RALYL: variants seen among roughly 807,000 people sequenced by gnomAD.
The protein encoded by RALYL is RNA-binding Raly-like protein.
In RALYL, 29 loss-of-function variants were observed where a neutral mutation model predicts 35.1. The observed-to-expected ratio is 0.83, with a 90% CI of 0.61 to 1.13. The LOEUF (loss-of-function observed/expected upper bound fraction) is 1.13, where lower values mean the gene tolerates loss of function less well. Ranked by LOEUF, RALYL falls within the 50% of genes most tolerant of loss-of-function variation. The pLI, the probability that RALYL is intolerant of heterozygous loss-of-function variation, is 0.00. For missense variants in RALYL, 359 were observed against 360.4 expected (o/e 1.00, Z 0.03); for synonymous variants, 120 against 127.6 (o/e 0.94, Z 0.40).
chr8:84,211,265 T>C (rs1412963123), intron 1 of RALYL, among the ~76,000 whole-genome samples: 3 of 152,118 alleles, frequency 2.0e-5, no homozygotes, highest in African/African-American at 7.2e-5. Context: ...ACCACAAGAT[T>C]GCTGTTACTT....
At chr8:84,501,864 CATATT>C (rs2056701987) in intron 1 of RALYL, among the ~76,000 whole-genome samples, 1 of 150,220 alleles carries the variant, frequency 6.7e-6, no homozygotes, top group Non-Finnish European at 1.5e-5. Context: ...TATATAATAT[CATATT>C]ATGTTATTCA....
chr8:84,663,003 G>C (rs1831220341), intron 2 of RALYL, among the ~76,000 whole-genome samples: 1 of 151,824 alleles, frequency 6.6e-6, no homozygotes, highest in African/African-American at 2.4e-5. Flanking sequence ...CCCTCAACAG[G>C]CTCAAGTGTG....
At chr8:84,227,221 G>A (rs1824140267) in intron 1 of RALYL, among the ~76,000 whole-genome samples, 1 of 151,648 alleles carries the variant, frequency 6.6e-6, no homozygotes, top group East Asian at 1.9e-4. Context: ...CACCACACCT[G>A]GGTAATTTTT....
chr8:84,671,207 G>A (rs941970634), intron 2 of RALYL, among the ~76,000 whole-genome samples: 1 of 152,122 alleles, frequency 6.6e-6, no homozygotes, highest in Non-Finnish European at 1.5e-5. Flanking sequence ...GATGCAAGAG[G>A]TGGGCTCCCA....
chr8:84,498,958 A>G (rs1264616465), intron 1 of RALYL, among the ~76,000 whole-genome samples: 1 of 152,162 alleles, frequency 6.6e-6, no homozygotes, highest in Non-Finnish European at 1.5e-5. Flanking sequence ...GAAATAAAGG[A>G]AAAAGTGATT....
At chr8:84,833,289 A>G (rs140365793) in intron 4 of RALYL, among the ~76,000 whole-genome samples, 4 of 152,318 alleles carry the variant, frequency 2.6e-5, no homozygotes, top group South Asian at 2.1e-4. Flanking sequence ...TGAAAGTCCA[A>G]TGGAATTATT....
At chr8:84,730,704 C>T (rs1471730969) in intron 2 of RALYL, among the ~76,000 whole-genome samples, 1 of 152,030 alleles carries the variant, frequency 6.6e-6, no homozygotes, top group Non-Finnish European at 1.5e-5. Context: ...ATCTGTACAA[C>T]GTTCTGAGCA....
chr8:84,677,336 T>G (rs559125559), intron 2 of RALYL, among the ~76,000 whole-genome samples: 73 of 152,340 alleles, frequency 4.8e-4, no homozygotes, highest in Middle Eastern at 3.4e-3. Flanking sequence ...GGTTCAGATA[T>G]TTTCATATAG....
intron 2 of RALYL, among the ~76,000 whole-genome samples, chr8:84,617,078 C>A (rs1328427734): frequency 6.6e-6 from 1 of 150,432 alleles, no homozygotes; most frequent in Admixed American, 6.6e-5. Context: ...GATGCAGGCT[C>A]TTTTTTGGTT....
chr8:84,362,557 G>C (rs1853261841), intron 1 of RALYL, among the ~76,000 whole-genome samples: 1 of 152,148 alleles, frequency 6.6e-6, no homozygotes, highest in Non-Finnish European at 1.5e-5. Context: ...TCTCACAGAA[G>C]CGTGAACCCT....
At chr8:84,231,087 C>A (rs1242506016) in intron 1 of RALYL, among the ~76,000 whole-genome samples, 1 of 152,240 alleles carries the variant, frequency 6.6e-6, no homozygotes, top group Non-Finnish European at 1.5e-5. Flanking sequence ...GCAATGGAAT[C>A]TTACAGTTGC....
chr8:84,809,930 C>T (rs113677117), intron 4 of RALYL, among the ~76,000 whole-genome samples: 25 of 152,052 alleles, frequency 1.6e-4, no homozygotes, highest in African/African-American at 5.3e-4. Flanking sequence ...TTCAAAGAAC[C>T]AGCTTTTTGT....
intron 2 of RALYL, among the ~76,000 whole-genome samples, chr8:84,556,864 CA>C (rs1422895066): frequency 2.6e-5 from 4 of 152,058 alleles, no homozygotes; most frequent in Non-Finnish European, 5.9e-5. Flanking sequence ...CCACACCGAC[CA>C]AAGCCTGAAA....
At chr8:84,737,519 G>T (rs1847532709) in intron 2 of RALYL, among the ~76,000 whole-genome samples, 1 of 151,856 alleles carries the variant, frequency 6.6e-6, no homozygotes, top group Non-Finnish European at 1.5e-5. Context: ...TATATATTAA[G>T]TAAAGGACAT....
chr8:84,858,592 A>C (rs1379386976), intron 5 of RALYL, among the ~76,000 whole-genome samples: 1 of 152,216 alleles, frequency 6.6e-6, no homozygotes, highest in Non-Finnish European at 1.5e-5. Flanking sequence ...TTCTGCTGTC[A>C]GTCTACAATC....
At chr8:84,727,466 T>A (rs539535123) in intron 2 of RALYL, among the ~76,000 whole-genome samples, 18 of 152,198 alleles carry the variant, frequency 1.2e-4, no homozygotes, top group Admixed American at 3.9e-4. Context: ...TCATTTTTTT[T>A]ATTTTATTTT....
At chr8:84,268,328 CT>C (rs2131900319) in intron 1 of RALYL, among the ~76,000 whole-genome samples, 1 of 152,244 alleles carries the variant, frequency 6.6e-6, no homozygotes, top group African/African-American at 2.4e-5. Flanking sequence ...GACTTCTGCC[CT>C]TTTCAGTCAT....
chr8:84,783,126 A>G (rs1455910287), intron 3 of RALYL, among the ~76,000 whole-genome samples: 2 of 86,584 alleles, frequency 2.3e-5, no homozygotes, highest in East Asian at 2.4e-4. Flanking sequence ...ATATTACTGT[A>G]TGGAGGGTAG....
At chr8:84,800,387 G>GTGTT (rs770272418) in intron 3 of RALYL, among the ~76,000 whole-genome samples, 14 of 152,130 alleles carry the variant, frequency 9.2e-5, no homozygotes, top group Non-Finnish European at 1.5e-4. Context: ...AAATAAATTA[G>GTGTT]TGTTTATAAA....
Sources: allele counts gnomAD v4.1 joint callset (sites outside exome capture counted in the v4.1 genomes callset), GRCh38; gene constraint gnomAD v4.1.1; transcripts MANE v1.5; gene names NCBI Gene and HGNC (gene_info 2026-07-23, HGNC 2026-07-21).